The following GTF2A1 variants were observed in gnomAD, a reference collection of about 807,000 sequenced individuals.
GTF2A1 encodes the protein transcription initiation factor IIA subunit 1.
A neutral mutation model predicts 54.1 loss-of-function variants in GTF2A1; 12 were observed. The ratio of observed to expected loss-of-function variants is 0.22; its 90% CI spans 0.14 to 0.36. GTF2A1 has a LOEUF of 0.36. GTF2A1 is among the 10% of genes least tolerant of loss of function. GTF2A1 has a pLI of 1.00. For missense variants in GTF2A1, 335 were observed against 442.2 expected (o/e 0.76, Z 2.17); for synonymous variants, 145 against 152.0 (o/e 0.95, Z 0.34).
upstream of GTF2A1, chr14:81,221,100 T>C (rs973958194): frequency 1.3e-5 from 2 of 152,374 alleles, no homozygotes; most frequent in African/African-American, 4.8e-5. Context: ...CCGTGGCGGG[T>C]ACTGGACTGG....
chr14:81,191,063 A>G (rs1162922475), intron 7 of GTF2A1, among the ~76,000 whole-genome samples: 2 of 152,190 alleles, frequency 1.3e-5, no homozygotes, highest in Non-Finnish European at 2.9e-5. Flanking sequence ...ACTTCTATAC[A>G]AAACACAAAT....
chr14:81,183,243 C>T (rs1697625664), intron 8 of GTF2A1, among the ~76,000 whole-genome samples: 1 of 152,134 alleles, frequency 6.6e-6, no homozygotes, highest in Non-Finnish European at 1.5e-5. Flanking sequence ...GCTGTCTCCC[C>T]TTATCTTTGA....
At chr14:81,215,455 C>A (rs1007340928) in intron 2 of GTF2A1, among the ~76,000 whole-genome samples, 1 of 152,144 alleles carries the variant, frequency 6.6e-6, no homozygotes, top group Non-Finnish European at 1.5e-5. Flanking sequence ...TCCAGGGCTC[C>A]ATGAACTATA....
At chr14:81,210,845 G>A (rs1392037928) in intron 2 of GTF2A1, among the ~76,000 whole-genome samples, 3 of 152,030 alleles carry the variant, frequency 2.0e-5, no homozygotes, top group Admixed American at 6.6e-5. Flanking sequence ...ATGAGACACC[G>A]CACCCAAGAC....
At chr14:81,212,446 C>G (rs1257786381) in intron 2 of GTF2A1, among the ~76,000 whole-genome samples, 1 of 152,148 alleles carries the variant, frequency 6.6e-6, no homozygotes, top group African/African-American at 2.4e-5. Flanking sequence ...TTAAAGTAGG[C>G]CTGCAGTGTT....
At chr14:81,214,872 T>C (rs965992682) in intron 2 of GTF2A1, among the ~76,000 whole-genome samples, 21 of 152,342 alleles carry the variant, frequency 1.4e-4, no homozygotes, top group African/African-American at 4.8e-4. Context: ...GGAAAATAGC[T>C]AGATTCTCGT....
intron 6 of GTF2A1, among the ~76,000 whole-genome samples, chr14:81,193,918 A>G (rs1374911559): frequency 1.3e-5 from 2 of 152,254 alleles, no homozygotes; most frequent in Non-Finnish European, 2.9e-5. Context: ...ATGGTATAAT[A>G]GACAAAGCAC....
intron 2 of GTF2A1, among the ~76,000 whole-genome samples, chr14:81,215,650 A>AC (rs1893472440): frequency 6.6e-6 from 1 of 152,232 alleles, no homozygotes; most frequent in Non-Finnish European, 1.5e-5. Flanking sequence ...TAAAGGGTCT[A>AC]CTTCAAGAAC....
chr14:81,216,761 A>G (rs1378151982), intron 1 of GTF2A1, among the ~76,000 whole-genome samples: 5 of 152,256 alleles, frequency 3.3e-5, no homozygotes, highest in Non-Finnish European at 7.3e-5. Flanking sequence ...ATTTCCAATT[A>G]TAATTTCCTA....
At chr14:81,218,097 T>C (rs1213316116) in intron 1 of GTF2A1, among the ~76,000 whole-genome samples, 1 of 151,538 alleles carries the variant, frequency 6.6e-6, no homozygotes, top group Non-Finnish European at 1.5e-5. Flanking sequence ...TAAAGTGCTT[T>C]TTTTTTTTTA....
intron 2 of GTF2A1, among the ~76,000 whole-genome samples, chr14:81,216,055 C>A (rs767982394): frequency 9.9e-5 from 15 of 152,156 alleles, no homozygotes; most frequent in Non-Finnish European, 1.9e-4. Context: ...CAACAAAATT[C>A]TTCCAGACAT....
chr14:81,201,488 G>A, intron 4 of GTF2A1, 106 bp downstream of exon 4: 2 of 612,210 alleles, frequency 3.3e-6, no homozygotes, highest in Non-Finnish European at 2.9e-6. Context: ...TTTTGCTTGA[G>A]TCTTCAATAA....
chr14:81,215,080 G>T (rs1041499877), intron 2 of GTF2A1, among the ~76,000 whole-genome samples: 2 of 152,118 alleles, frequency 1.3e-5, no homozygotes, highest in African/African-American at 4.8e-5. Flanking sequence ...CATTTTGAAT[G>T]AATTTTCCAA....
chr14:81,220,599 A>G lies in GTF2A1; in HGVS notation c.-81T>C. Reference sequence around the variant, plus strand: ...AAACCAAAAAAAAAAAAACTATAACACCCGGAGGGTGACCCAAATCACCGC... The same window carrying G: ...AAACCAAAAAAAAAAAAACTATAACGCCCGGAGGGTGACCCAAATCACCGC... On this transcript the variant is annotated 5_prime_UTR_variant, in exon 1 of 9. Transcript: ENST00000553612. 8.9e-7 allele frequency: 1 copy of G among 1,126,270 alleles called. No individual in the cohort carries two copies. The highest frequency in any genetic ancestry group is 1.5e-5 in the South Asian group (1 of 65,610). The allele number at this position is 1,126,270 out of a possible 1,614,324, so 69.8% of individuals were successfully genotyped here.
chr14:81,215,760 G>T (rs1893475126), intron 2 of GTF2A1, among the ~76,000 whole-genome samples: 5 of 152,144 alleles, frequency 3.3e-5, no homozygotes, highest in Admixed American at 2.6e-4. Flanking sequence ...TTAAGGCTGG[G>T]CGCTGTGGCT....
chr14:81,220,697 G>C lies in GTF2A1; in HGVS notation c.-179C>G. On this transcript the variant is annotated 5_prime_UTR_variant, in exon 1 of 9. Transcript: ENST00000553612. ...GGAGAGCGGAGAGAGGAGGAGGAGGGGGGCACTCCTCCCGCAGCTGAAAAC... is the reference window on the plus strand; with the variant it reads ...GGAGAGCGGAGAGAGGAGGAGGAGGCGGGCACTCCTCCCGCAGCTGAAAAC... 1.3e-5 allele frequency: 5 copies of C among 391,552 alleles called. No individual in the cohort carries two copies. Among genetic ancestry groups the C allele is most frequent in the East Asian group, 3.8e-5 (1 of 26,614 alleles). The allele number at this position is 391,552 out of a possible 1,614,324, so 24.3% of individuals were successfully genotyped here.
chr14:81,185,433 G>GA, intron 8 of GTF2A1, 98 bp downstream of exon 8: 1 of 673,250 alleles, frequency 1.5e-6, no homozygotes, highest in Non-Finnish European at 2.7e-6. Flanking sequence ...TAAGAGGCAT[G>GA]AATCAGCTGC....
Position 81,192,853 on chromosome 14 carries a change from A to C in GTF2A1, c.613-14T>G. 6.7e-7 allele frequency: 1 copy of C among 1,485,106 alleles called. No homozygotes were observed. The highest frequency in any genetic ancestry group is 2.3e-5 in the East Asian group (1 of 44,254). The allele number at this position is 1,485,106 out of a possible 1,614,324, so 92.0% of individuals were successfully genotyped here. A position where few individuals can be genotyped will look rare whatever the true frequency, so the allele number is the denominator to read the frequency against. ...AGGAGCCAGCACCTAAAGCAAAAGAAAACCACATAACAGTAACTAGTTAAG... is the reference window on the plus strand; with the variant it reads ...AGGAGCCAGCACCTAAAGCAAAAGACAACCACATAACAGTAACTAGTTAAG... On this transcript the variant is annotated splice_polypyrimidine_tract_variant and intron_variant, in intron 6 of 8. Transcript: ENST00000553612.
chr14:81,211,900 T>TATATATATATATATATATAC, intron 2 of GTF2A1, among the ~76,000 whole-genome samples: 1 of 126,862 alleles, frequency 7.9e-6, no homozygotes, highest in African/African-American at 2.8e-5. Context: ...TATATATATA[T>TATATATATATATATATATAC]ATATATATAA....
Sources: gnomAD v4.1 joint callset for allele counts (sites outside exome capture counted in the v4.1 genomes callset) on GRCh38, gnomAD v4.1.1 for gene constraint, MANE v1.5 for transcripts, NCBI Gene and HGNC (gene_info 2026-07-23, HGNC 2026-07-21) for gene names.